The following SLC9B1 variants were observed in gnomAD, a reference collection of about 807,000 sequenced individuals.
SLC9B1 encodes solute carrier family 9 member B1, also known as sodium/hydrogen exchanger 9B1.
A neutral mutation model predicts 51.7 loss-of-function variants in SLC9B1; 32 were observed. The observed-to-expected ratio is 0.62, with a 90% CI of 0.47 to 0.83. The LOEUF (loss-of-function observed/expected upper bound fraction) is 0.83. SLC9B1 is among the 40% of genes least tolerant of loss of function. SLC9B1 has a pLI of 0.00. For missense variants in SLC9B1, 406 were observed against 613.2 expected (o/e 0.66, Z 3.57); for synonymous variants, 145 against 212.7 (o/e 0.68, Z 2.77).
intron 3 of SLC9B1, among the ~76,000 whole-genome samples, chr4:102,972,867 G>A (rs1341784274): frequency 2.6e-5 from 4 of 152,012 alleles, no homozygotes; most frequent in Admixed American, 1.3e-4. Flanking sequence ...CAAAATTAAT[G>A]CATCCTTCAA....
At chr4:102,959,391 A>G (rs1737974538) in intron 3 of SLC9B1, among the ~76,000 whole-genome samples, 2 of 152,186 alleles carry the variant, frequency 1.3e-5, no homozygotes, top group African/African-American at 4.8e-5. Flanking sequence ...GCCAACATAA[A>G]TAGGTTTTGT....
chr4:102,963,775 C>A (rs72937431), intron 3 of SLC9B1, among the ~76,000 whole-genome samples: 39 of 152,074 alleles, frequency 2.6e-4, no homozygotes, highest in Admixed American at 3.9e-4. Flanking sequence ...ATACAAAAAA[C>A]CAATAACATA....
intron 6 of SLC9B1, among the ~76,000 whole-genome samples, chr4:102,933,090 T>A (rs1736544192): frequency 6.6e-6 from 1 of 152,220 alleles, no homozygotes; most frequent in Admixed American, 6.5e-5. Flanking sequence ...CTGAAGTATA[T>A]CCTGTGTAGA....
chr4:102,983,106 T>C (rs1031749260), intron 3 of SLC9B1, among the ~76,000 whole-genome samples: 9 of 152,126 alleles, frequency 5.9e-5, no homozygotes, highest in African/African-American at 2.2e-4. Flanking sequence ...TGATTGGGCA[T>C]TGGATTTTGT....
At chr4:102,920,121 T>C (rs1159485066) in intron 7 of SLC9B1, among the ~76,000 whole-genome samples, 1 of 152,212 alleles carries the variant, frequency 6.6e-6, no homozygotes, top group Non-Finnish European at 1.5e-5. Context: ...GACCCCTGTG[T>C]AGCCTAACTG....
intron 3 of SLC9B1, among the ~76,000 whole-genome samples, chr4:102,963,607 A>G (rs547653014): frequency 1.5e-3 from 233 of 152,286 alleles, no homozygotes; most frequent in African/African-American, 5.4e-3. Flanking sequence ...TTGTTGACAA[A>G]TACCATTCTG....
Position 102,905,583 on chromosome 4 carries a change from G to T in SLC9B1, c.1263C>A (p.Cys421Ter). Residue 421 changes from cysteine (C) to a stop codon, truncating the protein, a stop_gained, in exon 11 of 12, where the codon TGC (cysteine) becomes TGA (stop). Transcript: ENST00000296422. LOFTEE classifies it high-confidence loss of function. Reference protein sequence around the residue: ...VRILTTYLLMCFAGFSFKEKI... With the variant: ...VRILTTYLLM Reference sequence around the variant, plus strand: ...TCTCCTTAAAACTAAAACCAGCAAAGCACATCAATAGATATGTGGTTAAAA... The same window carrying T: ...TCTCCTTAAAACTAAAACCAGCAAATCACATCAATAGATATGTGGTTAAAA... 2 of 1,610,818 alleles carry T rather than the reference G, an allele frequency of 1.2e-6. No individual in the cohort carries two copies. Among genetic ancestry groups the T allele is most frequent in the Non-Finnish European group, 1.7e-6 (2 of 1,178,938 alleles).
intron 1 of SLC9B1, 55 bp from the exon 2 acceptor site, chr4:102,991,767 T>A: frequency 7.9e-7 from 1 of 1,270,776 alleles, no homozygotes; most frequent in Non-Finnish European, 1.1e-6. Context: ...TAAATCCATA[T>A]GAAAACAAAC....
intron 3 of SLC9B1, among the ~76,000 whole-genome samples, chr4:102,960,389 CA>C (rs1379635229): frequency 6.6e-6 from 1 of 151,952 alleles, no homozygotes; most frequent in Non-Finnish European, 1.5e-5. Flanking sequence ...ATTAATCTCA[CA>C]AAAGGAAGCA....
intron 7 of SLC9B1, among the ~76,000 whole-genome samples, chr4:102,918,063 C>A (rs1735671666): frequency 6.6e-5 from 5 of 76,108 alleles, no homozygotes; most frequent in South Asian, 4.9e-4. Flanking sequence ...AGCAAAACTC[C>A]ATCTCAAAAA....
At chr4:102,988,450 A>G (rs1386645971) in intron 3 of SLC9B1, among the ~76,000 whole-genome samples, 1 of 152,088 alleles carries the variant, frequency 6.6e-6, no homozygotes, top group Non-Finnish European at 1.5e-5. Flanking sequence ...ATTTCCTTTT[A>G]TTATCCAAAC....
At chr4:102,990,560 T>C (rs1739892208) in intron 2 of SLC9B1, among the ~76,000 whole-genome samples, 1 of 151,742 alleles carries the variant, frequency 6.6e-6, no homozygotes, top group African/African-American at 2.4e-5. Flanking sequence ...CTTCTTCCAA[T>C]GTAAAAAACA....
At chr4:102,980,553 G>C (rs936412078) in intron 3 of SLC9B1, among the ~76,000 whole-genome samples, 1 of 151,962 alleles carries the variant, frequency 6.6e-6, no homozygotes, top group Non-Finnish European at 1.5e-5. Flanking sequence ...GAGAACACAT[G>C]GGGGGAACAA....
At chr4:103,014,650 T>G (rs1741231124) in intron 1 of SLC9B1, among the ~76,000 whole-genome samples, 1 of 152,242 alleles carries the variant, frequency 6.6e-6, no homozygotes, top group Non-Finnish European at 1.5e-5. Context: ...ATATAGTAGA[T>G]AAATATTTTA....
chr4:102,924,088 T>G (rs1157125782), intron 7 of SLC9B1, among the ~76,000 whole-genome samples: 2 of 152,118 alleles, frequency 1.3e-5, no homozygotes, highest in Non-Finnish European at 2.9e-5. Context: ...AAAAAGAACC[T>G]GCATTGCCAA....
At chr4:102,919,697 C>T (rs1485813011) in intron 7 of SLC9B1, among the ~76,000 whole-genome samples, 1 of 152,178 alleles carries the variant, frequency 6.6e-6, no homozygotes, top group East Asian at 1.9e-4. Flanking sequence ...CAGGGCACTC[C>T]TGCCCAAATA....
chr4:102,942,339 T>C (rs1308474342), intron 6 of SLC9B1, among the ~76,000 whole-genome samples: 2 of 152,122 alleles, frequency 1.3e-5, no homozygotes, highest in Non-Finnish European at 2.9e-5. Context: ...CTAAAATTAA[T>C]GTGGAGCCCA....
At chr4:102,938,497 T>C (rs1298031609) in intron 6 of SLC9B1, among the ~76,000 whole-genome samples, 2 of 152,132 alleles carry the variant, frequency 1.3e-5, no homozygotes, top group Admixed American at 6.5e-5. Context: ...TATTCAGGAC[T>C]TGAAGTCAAC....
chr4:102,969,905 T>G (rs530930042), intron 3 of SLC9B1, among the ~76,000 whole-genome samples: 2 of 151,422 alleles, frequency 1.3e-5, no homozygotes, highest in East Asian at 3.9e-4. Context: ...GAAAATCAAA[T>G]GAATGAAATG....
Sources: gnomAD v4.1 joint callset for allele counts (sites outside exome capture counted in the v4.1 genomes callset) on GRCh38, gnomAD v4.1.1 for gene constraint, MANE v1.5 for transcripts, NCBI Gene and HGNC (gene_info 2026-07-23, HGNC 2026-07-21) for gene names.